ZNF474: variants seen among roughly 807,000 people sequenced by gnomAD.
ZNF474 encodes the protein zinc finger protein 474.
For missense variants in ZNF474, 511 were observed against 433.8 expected (o/e 1.18, Z -1.58); for synonymous variants, 192 against 162.2 (o/e 1.18, Z -1.39).
At chr5:122,141,095 T>TTTTTA (rs201853082) in intron 1 of ZNF474, among the ~76,000 whole-genome samples, 5,395 of 52,926 alleles carry the variant, frequency 0.1, 173 homozygotes, top group Non-Finnish European at 0.14. Flanking sequence ...ATTTTTTTAT[T>TTTTTA]TTTTATTTTA....
In ZNF474 at chr5:122,134,244, A is replaced by C. The variant is rs75280284; in HGVS notation, c.-213+4561A>C. 3.9e-3 allele frequency among the ~76,000 whole-genome samples: 591 copies of C among 152,336 alleles called. 2 individuals carry two copies. Among genetic ancestry groups the C allele is most frequent in the Admixed American group, 8.1e-3 (124 of 15,298 alleles). On this transcript the variant is annotated intron_variant, in intron 1 of 1. Coordinates refer to ENST00000296600, the MANE Select transcript of ZNF474 (RefSeq NM_207317.3). ...ATATAAAGAAGGCAAGTTGTTAATC[A>C]TTTAAAAAGAATGGCAAAGTGCAAA...
intron 1 of ZNF474, among the ~76,000 whole-genome samples, chr5:122,130,256 A>G (rs1245289622): frequency 6.6e-6 from 1 of 152,184 alleles, no homozygotes; most frequent in African/African-American, 2.4e-5. Flanking sequence ...TGAGTTTAAC[A>G]GGTATATACA....
intron 1 of ZNF474, among the ~76,000 whole-genome samples, chr5:122,136,627 C>T (rs1410063721): frequency 6.6e-6 from 1 of 152,146 alleles, no homozygotes; most frequent in Non-Finnish European, 1.5e-5. Flanking sequence ...TCTCATTTAT[C>T]TTGGATTCAG....
At chr5:122,130,667 A>C (rs1160159853) in intron 1 of ZNF474, among the ~76,000 whole-genome samples, 4 of 152,052 alleles carry the variant, frequency 2.6e-5, no homozygotes, top group South Asian at 4.1e-4. Flanking sequence ...TTTTCTCCTA[A>C]TTTTATTTTT....
At chr5:122,139,493 C>A (rs570669349) in intron 1 of ZNF474, among the ~76,000 whole-genome samples, 22 of 152,110 alleles carry the variant, frequency 1.4e-4, no homozygotes, top group Non-Finnish European at 2.8e-4. Flanking sequence ...AAAAAATTGT[C>A]ATTACTTCAT....
intron 1 of ZNF474, among the ~76,000 whole-genome samples, chr5:122,134,213 G>A (rs1011011994): frequency 5.9e-5 from 9 of 152,268 alleles, no homozygotes; most frequent in Admixed American, 1.3e-4. Flanking sequence ...GCAGCAGAGA[G>A]GGAGAATATA....
At chr5:122,141,567 A>G (rs1755847443) in intron 1 of ZNF474, among the ~76,000 whole-genome samples, 1 of 152,074 alleles carries the variant, frequency 6.6e-6, no homozygotes, top group Non-Finnish European at 1.5e-5. Context: ...TCAGCCTCCC[A>G]AAGTGCTGGG....
chr5:122,136,841 A>T (rs1755713992), intron 1 of ZNF474, among the ~76,000 whole-genome samples: 1 of 152,180 alleles, frequency 6.6e-6, no homozygotes, highest in Admixed American at 6.5e-5. Flanking sequence ...TTGTTTAAAA[A>T]TTTAATATAA....
intron 1 of ZNF474, among the ~76,000 whole-genome samples, chr5:122,137,446 CAAAAAAAAAAAAAAAAAAAA>C (rs1166694085): frequency 8.6e-5 from 1 of 11,612 alleles, no homozygotes. Context: ...GACTCTGTCT[CAAAAAAAAAAAAAAAAAAAA>C]AAAAAAAAAA....
chr5:122,137,936 G>A (rs967426615), intron 1 of ZNF474, among the ~76,000 whole-genome samples: 5 of 152,228 alleles, frequency 3.3e-5, no homozygotes, highest in African/African-American at 7.2e-5. Context: ...CCACAGATGC[G>A]AGGCGCACCC....
intron 1 of ZNF474, among the ~76,000 whole-genome samples, chr5:122,133,903 G>C (rs181979168): frequency 6.6e-6 from 1 of 152,182 alleles, no homozygotes; most frequent in Admixed American, 6.5e-5. Context: ...ATTTCTAAGA[G>C]AATTTTTAGT....
chr5:122,134,875 A>G (rs2731659), intron 1 of ZNF474, among the ~76,000 whole-genome samples: 125,876 of 152,162 alleles, frequency 0.83, 52,252 homozygotes, highest in African/African-American at 0.89. Context: ...TCAAATCTAA[A>G]ACATAAAACT....
At position 122,151,896 on chromosome 5, in the gene ZNF474, G is replaced by A; in HGVS notation, c.-95G>A. The A allele has an allele frequency of 1.4e-6, 2 of 1,476,798 alleles. No homozygotes were observed. Among genetic ancestry groups the A allele is most frequent in the Non-Finnish European group, 1.8e-6 (2 of 1,111,478 alleles). The allele number at this position is 1,476,798 out of a possible 1,614,324, so 91.5% of individuals were successfully genotyped here. On this transcript the variant is annotated 5_prime_UTR_variant, in exon 2 of 2. Transcript: ENST00000296600. The stretch of plus-strand genomic sequence containing the variant: ...GGTACTGGCAACGGTGTGAACCCCA[G>A]GACAACTAACCTCACTAACCTTCAC...
At chr5:122,141,267 C>T (rs1488336340) in intron 1 of ZNF474, among the ~76,000 whole-genome samples, 1 of 145,320 alleles carries the variant, frequency 6.9e-6, no homozygotes, top group Non-Finnish European at 1.5e-5. Flanking sequence ...TCTCATGCTT[C>T]AGACACCCGA....
Position 122,152,756 on chromosome 5 carries a change from G to A in ZNF474, c.766G>A (p.Val256Met). Residue 256 changes from valine (V) to methionine (M), a missense_variant, in exon 2 of 2, where the codon GTG becomes ATG. By Grantham distance (21) the Val-to-Met change is conservative. Coordinates refer to ENST00000296600, the MANE Select transcript of ZNF474 (RefSeq NM_207317.3). The stretch of plus-strand genomic sequence containing the variant: ...GAAAATGGAAAATGACCGGCTCCCT[G>A]TGGAGCTCCACCAGCCACTCCCACA... ...KWKMENDRLP[V>M]ELHQPLPQKP... 3 of 1,614,110 alleles carry A rather than the reference G, an allele frequency of 1.9e-6. No individual in the cohort carries two copies. The highest frequency in any genetic ancestry group is 2.2e-5 in the South Asian group (2 of 91,082).
intron 1 of ZNF474, among the ~76,000 whole-genome samples, chr5:122,139,855 T>TA (rs1561438938): frequency 6.6e-6 from 1 of 152,230 alleles, no homozygotes; most frequent in African/African-American, 2.4e-5. Flanking sequence ...AAAAAGCTTT[T>TA]AAGGCAGCTT....
intron 1 of ZNF474, among the ~76,000 whole-genome samples, chr5:122,141,095 TTTTTATTTTATTTTATTTTA>T (rs201853082): frequency 0.025 from 1,353 of 53,274 alleles, 34 homozygotes; most frequent in Middle Eastern, 0.069. Flanking sequence ...ATTTTTTTAT[TTTTTATTTTATTTTATTTTA>T]TTTTATTTTA....
At position 122,148,559 on chromosome 5, in the gene ZNF474, C is replaced by G. The variant is rs927703606; in HGVS notation, c.-212-3220C>G. ...ACCCTGTGCCCATGATCAAGACAGA[C>G]AAAACACATCATTCATCGTTGGTCT... On this transcript the variant is annotated intron_variant, in intron 1 of 1. Transcript: ENST00000296600. Among the ~76,000 whole-genome samples the G allele has an allele frequency of 2.0e-5, 3 of 152,086 alleles. No homozygotes were observed. The East Asian group carries it at 5.8e-4, about 29-fold the overall frequency.
chr5:122,144,168 C>T (rs1262119717), intron 1 of ZNF474, among the ~76,000 whole-genome samples: 1 of 152,104 alleles, frequency 6.6e-6, no homozygotes, highest in East Asian at 1.9e-4. Flanking sequence ...CAGCCCTAAT[C>T]TACTTTCATT....
Sources: gnomAD v4.1 joint callset for allele counts (sites outside exome capture counted in the v4.1 genomes callset) on GRCh38, gnomAD v4.1.1 for gene constraint, MANE v1.5 for transcripts, NCBI Gene and HGNC (gene_info 2026-07-23, HGNC 2026-07-21) for gene names.